Variants in SYNJ2BP observed in about 807,000 individuals in gnomAD.
SYNJ2BP encodes the protein synaptojanin-2-binding protein.
A neutral mutation model predicts 16.9 loss-of-function variants in SYNJ2BP; 10 were observed. That is an observed-to-expected ratio of 0.59 (90% CI 0.36 to 1.00). The LOEUF (loss-of-function observed/expected upper bound fraction) is 1.00. SYNJ2BP is among the 50% of genes least tolerant of loss of function. The pLI, the probability that SYNJ2BP is intolerant of heterozygous loss-of-function variation, is 0.01. For synonymous variants in SYNJ2BP, 54 were observed against 68.4 expected (o/e 0.79, Z 1.04); for missense variants, 162 against 186.7 (o/e 0.87, Z 0.77).
intron 2 of SYNJ2BP, among the ~76,000 whole-genome samples, chr14:70,384,007 G>C (rs1887806042): frequency 6.6e-6 from 1 of 151,478 alleles, no homozygotes; most frequent in Non-Finnish European, 1.5e-5. Flanking sequence ...GCCCAGGCTG[G>C]AGTGCAGTGG....
Position 70,369,744 on chromosome 14 carries a change from G to A in SYNJ2BP, c.*3247C>T, listed in dbSNP as rs1052343290. 2.0e-5 allele frequency: 3 copies of A among 152,138 alleles called. No homozygotes were observed. Among genetic ancestry groups the A allele is most frequent in the African/African-American group, 7.2e-5 (3 of 41,426 alleles). 9.4% of individuals were successfully genotyped at this position (152,138 alleles called of 1,614,324 possible). ...ATTAAGTTAAATCGATAACACATAA[G>A]TTGAAACTTCACAGGAAAACAAAGT... On this transcript the variant is annotated 3_prime_UTR_variant, in exon 4 of 4. Transcript: ENST00000256366.
chr14:70,386,565 A>G (rs1338370929), intron 2 of SYNJ2BP, among the ~76,000 whole-genome samples: 7 of 152,164 alleles, frequency 4.6e-5, no homozygotes, highest in Non-Finnish European at 7.4e-5. Flanking sequence ...GTCTTCCTGA[A>G]GAGGCATTCA....
intron 3 of SYNJ2BP, among the ~76,000 whole-genome samples, chr14:70,374,055 G>A (rs1311178801): frequency 6.6e-6 from 1 of 152,212 alleles, no homozygotes; most frequent in African/African-American, 2.4e-5. Context: ...TCAATAAGAA[G>A]GCATGGTTTT....
intron 1 of SYNJ2BP, among the ~76,000 whole-genome samples, chr14:70,412,293 A>G (rs1285501861): frequency 6.6e-6 from 1 of 152,166 alleles, no homozygotes; most frequent in Non-Finnish European, 1.5e-5. Flanking sequence ...AGTGGAAAGT[A>G]GTATATGGTA....
At chr14:70,386,965 G>A (rs1315623113) in intron 2 of SYNJ2BP, among the ~76,000 whole-genome samples, 3 of 152,104 alleles carry the variant, frequency 2.0e-5, no homozygotes, top group South Asian at 2.1e-4. Flanking sequence ...TTTTCCCAAC[G>A]TGGCCATCTT....
intron 1 of SYNJ2BP, among the ~76,000 whole-genome samples, chr14:70,414,186 C>A (rs1888552255): frequency 6.6e-6 from 1 of 152,124 alleles, no homozygotes; most frequent in Non-Finnish European, 1.5e-5. Context: ...GAACTTGAAA[C>A]CTTTCTTTGT....
chr14:70,399,037 G>A (rs986433367), intron 1 of SYNJ2BP, among the ~76,000 whole-genome samples: 2 of 152,158 alleles, frequency 1.3e-5, no homozygotes, highest in Non-Finnish European at 2.9e-5. Flanking sequence ...CCGGGGATGC[G>A]GCCCCGCGGA....
At position 70,372,885 on chromosome 14, in the gene SYNJ2BP, C is replaced by A; in HGVS notation, c.*106G>T. 6.5e-7 allele frequency: 1 copy of A among 1,532,224 alleles called. No homozygotes were observed. The highest frequency in any genetic ancestry group is 8.8e-7 in the Non-Finnish European group (1 of 1,138,036). 94.9% of individuals were successfully genotyped at this position (1,532,224 alleles called of 1,614,324 possible). A position where few individuals can be genotyped will look rare whatever the true frequency, so the allele number is the denominator to read the frequency against. On this transcript the variant is annotated 3_prime_UTR_variant, in exon 4 of 4. Transcript: ENST00000256366. ...CAAGGTTTGGGGTGGGTATCAGTCA[C>A]TTCAAATCTGGCTATGCAGAGAGAG...
At chr14:70,408,499 C>T (rs1888397622) in intron 1 of SYNJ2BP, among the ~76,000 whole-genome samples, 1 of 152,006 alleles carries the variant, frequency 6.6e-6, no homozygotes, top group South Asian at 2.1e-4. Context: ...GGTGAAACCC[C>T]ATCTCTACTA....
chr14:70,379,323 TG>T (rs1035665222), intron 2 of SYNJ2BP, among the ~76,000 whole-genome samples: 3 of 152,244 alleles, frequency 2.0e-5, no homozygotes, highest in Non-Finnish European at 4.4e-5. Context: ...TCGTTTCTTA[TG>T]CTGATATGGA....
intron 1 of SYNJ2BP, among the ~76,000 whole-genome samples, chr14:70,411,777 A>C (rs1393536472): frequency 6.6e-6 from 1 of 152,200 alleles, no homozygotes; most frequent in Non-Finnish European, 1.5e-5. Context: ...ACAGGGTCAG[A>C]TTACCATGCT....
At chr14:70,376,069 C>G (rs2275298) in intron 2 of SYNJ2BP, among the ~76,000 whole-genome samples, 1 of 152,160 alleles carries the variant, frequency 6.6e-6, no homozygotes, top group Non-Finnish European at 1.5e-5. Flanking sequence ...AATCTGTTAC[C>G]GTATTAGCAT....
In SYNJ2BP at chr14:70,375,745, C is replaced by A. The variant is rs1352984985; in HGVS notation, c.228G>T (p.Leu76=). 2.5e-6 allele frequency: 4 copies of A among 1,613,980 alleles called. No homozygotes were observed. The African/African-American group carries it at 5.3e-5, about 22-fold the overall frequency. Residue 76 remains leucine (L), a synonymous_variant, in exon 3 of 4, where the codon CTG becomes CTT. Transcript: ENST00000256366. ...AGAGGTCTACAGCATCCTGGTGCAG[C>A]AGGTTCTTTAGGTCTTGGCCATTTA... is the stretch of plus-strand genomic sequence containing the variant. The part of the protein sequence containing the change: ...LSVNGQDLKN[L]LHQDAVDLFR...
chr14:70,413,227 A>C (rs1888526986), intron 1 of SYNJ2BP, among the ~76,000 whole-genome samples: 1 of 152,246 alleles, frequency 6.6e-6, no homozygotes, highest in South Asian at 2.1e-4. Context: ...TAGAGATGGA[A>C]GAGACCTCTG....
At position 70,373,135 on chromosome 14, in the gene SYNJ2BP, GA is replaced by G; in HGVS notation, c.298-5del. 6.2e-7 allele frequency: 1 copy of G among 1,612,792 alleles called. No individual in the cohort carries two copies. Among genetic ancestry groups the G allele is most frequent in the South Asian group, 1.1e-5 (1 of 90,794 alleles). On this transcript the variant is annotated splice_region_variant and splice_polypyrimidine_tract_variant and intron_variant, in intron 3 of 3. Transcript: ENST00000256366. ...TAGGTCCATTCTGCACCTGTAACTG[GA>G]AGGGAAAGAAAAATGTTAACTCTAG...
chr14:70,414,052 T>C (rs917801988), intron 1 of SYNJ2BP, among the ~76,000 whole-genome samples: 1 of 152,174 alleles, frequency 6.6e-6, no homozygotes, highest in Non-Finnish European at 1.5e-5. Context: ...TAGTTTCTAG[T>C]GGTATTTTGA....
At chr14:70,373,418 C>T (rs941237370) in intron 3 of SYNJ2BP, among the ~76,000 whole-genome samples, 1 of 152,132 alleles carries the variant, frequency 6.6e-6, no homozygotes, top group African/African-American at 2.4e-5. Context: ...CTCTACCTTG[C>T]TATTTGTGTA....
intron 2 of SYNJ2BP, among the ~76,000 whole-genome samples, chr14:70,379,561 C>T (rs1436284310): frequency 1.6e-4 from 25 of 152,316 alleles, no homozygotes; most frequent in South Asian, 2.1e-4. Flanking sequence ...AGTCCTGCTA[C>T]CTACAGTGTA....
At chr14:70,386,739 G>T (rs1177873807) in intron 2 of SYNJ2BP, among the ~76,000 whole-genome samples, 3 of 152,210 alleles carry the variant, frequency 2.0e-5, no homozygotes, top group Non-Finnish European at 4.4e-5. Context: ...AGAAGAGCAA[G>T]AGATTTCACA....
Sources: gnomAD v4.1 joint callset for allele counts (sites outside exome capture counted in the v4.1 genomes callset) on GRCh38, gnomAD v4.1.1 for gene constraint, MANE v1.5 for transcripts, NCBI Gene and HGNC (gene_info 2026-07-23, HGNC 2026-07-21) for gene names.